Variants in RNGTT observed in about 807,000 individuals in gnomAD.
The protein encoded by RNGTT is mRNA-capping enzyme.
RNGTT carries 33 observed loss-of-function variants against 79.3 expected under a neutral mutation model. The observed-to-expected ratio is 0.42, with a 90% CI of 0.32 to 0.56. The LOEUF (loss-of-function observed/expected upper bound fraction) is 0.56, where lower values mean the gene tolerates loss of function less well. RNGTT is among the 20% of genes least tolerant of loss of function. The pLI is 0.17. For synonymous variants in RNGTT, 222 were observed against 235.9 expected, an observed-to-expected ratio of 0.94 and a Z score of 0.54; for missense variants, 497 against 739.1, an observed-to-expected ratio of 0.67 and a Z score of 3.80.
At chr6:88,907,735 CTTT>C (rs34378893) in intron 4 of RNGTT, among the ~76,000 whole-genome samples, 15 of 125,422 alleles carry the variant, frequency 1.2e-4, no homozygotes, top group Admixed American at 4.1e-4. Flanking sequence ...TAAGCTGTAT[CTTT>C]TTTTTTTTTT....
rs745311336 is a variant in RNGTT at position 88,612,697 on chromosome 6, A to G, written c.*22T>C. 1 of 1,604,944 alleles carries G rather than the reference A, an allele frequency of 6.2e-7. No individual in the cohort carries two copies. Among genetic ancestry groups the G allele is most frequent in the Admixed American group, 1.7e-5 (1 of 59,064 alleles). On this transcript the variant is annotated 3_prime_UTR_variant, in exon 16 of 16. Transcript: ENST00000369485. ...TTTTCCTCATTCCTCTTTCTTCTTAACCCTCAAGTCACAGGCAGGTCTTAG... is the reference window on the plus strand; with the variant it reads ...TTTTCCTCATTCCTCTTTCTTCTTAGCCCTCAAGTCACAGGCAGGTCTTAG...
At chr6:88,791,999 A>G (rs916007950) in intron 12 of RNGTT, among the ~76,000 whole-genome samples, 1 of 152,218 alleles carries the variant, frequency 6.6e-6, no homozygotes, top group Non-Finnish European at 1.5e-5. Context: ...ACCTTAAATA[A>G]CCAGTAGTCC....
intron 4 of RNGTT, among the ~76,000 whole-genome samples, chr6:88,906,824 C>G (rs1163692904): frequency 6.6e-6 from 1 of 151,966 alleles, no homozygotes; most frequent in Non-Finnish European, 1.5e-5. Flanking sequence ...TTAAATTTCT[C>G]TAGTAGAAAA....
intron 11 of RNGTT, among the ~76,000 whole-genome samples, chr6:88,830,689 G>C (rs1780830939): frequency 6.6e-6 from 1 of 151,220 alleles, no homozygotes; most frequent in African/African-American, 2.4e-5. Flanking sequence ...TAGACCACTA[G>C]CCAGACTAAT....
intron 11 of RNGTT, among the ~76,000 whole-genome samples, chr6:88,829,941 G>A (rs1467384387): frequency 6.6e-6 from 1 of 151,994 alleles, no homozygotes; most frequent in Non-Finnish European, 1.5e-5. Context: ...AATAATAGTG[G>A]GAGACTTTTA....
chr6:88,813,304 G>C (rs1483331827), intron 11 of RNGTT, among the ~76,000 whole-genome samples: 4 of 152,116 alleles, frequency 2.6e-5, no homozygotes, highest in South Asian at 2.1e-4. Context: ...CCATGAGGTA[G>C]TATGAATAAA....
intron 14 of RNGTT, among the ~76,000 whole-genome samples, chr6:88,649,561 G>C (rs1327611734): frequency 2.0e-5 from 3 of 152,124 alleles, no homozygotes; most frequent in Non-Finnish European, 4.4e-5. Context: ...GCTGGGCGTG[G>C]TGGCGGGCAC....
chr6:88,911,898 C>A (rs2127946115), intron 4 of RNGTT, among the ~76,000 whole-genome samples: 1 of 151,984 alleles, frequency 6.6e-6, no homozygotes, highest in South Asian at 2.1e-4. Flanking sequence ...CCAGCCTGGG[C>A]AACATAGCAA....
intron 4 of RNGTT, among the ~76,000 whole-genome samples, chr6:88,914,455 A>G (rs1406974982): frequency 1.3e-5 from 2 of 152,126 alleles, no homozygotes; most frequent in Non-Finnish European, 2.9e-5. Flanking sequence ...AGACAAATGC[A>G]ACAGAATAGA....
intron 13 of RNGTT, among the ~76,000 whole-genome samples, chr6:88,761,335 T>C (rs753163608): frequency 1.3e-5 from 2 of 151,480 alleles, no homozygotes; most frequent in Non-Finnish European, 2.9e-5. Flanking sequence ...ATTAAAATTA[T>C]AAAAAATCAG....
chr6:88,924,864 C>T (rs1390615163), intron 4 of RNGTT, among the ~76,000 whole-genome samples: 2 of 151,962 alleles, frequency 1.3e-5, no homozygotes, highest in African/African-American at 4.8e-5. Flanking sequence ...GCTGGGACTA[C>T]AGGAGTACAC....
At chr6:88,641,864 T>C (rs1471272184) in intron 14 of RNGTT, among the ~76,000 whole-genome samples, 1 of 152,228 alleles carries the variant, frequency 6.6e-6, no homozygotes, top group Non-Finnish European at 1.5e-5. Context: ...ACAGCCAGTA[T>C]ACAGTAGCAT....
rs1273805354 is a variant in RNGTT at position 88,610,201 on chromosome 6, G to A, written c.*2518C>T. On this transcript the variant is annotated 3_prime_UTR_variant, in exon 16 of 16. Coordinates refer to ENST00000369485, the MANE Select transcript of RNGTT (RefSeq NM_003800.5). ...ATTACACTGGGTGTGGCTGACAGCA[G>A]TAGGATGTGATGCCAGCAATAGAAG... 1.3e-5 allele frequency: 2 copies of A among 152,626 alleles called. No homozygotes were observed. Among genetic ancestry groups the A allele is most frequent in the East Asian group, 3.8e-4 (2 of 5,200 alleles). 9.5% of individuals were successfully genotyped at this position (152,626 alleles called of 1,614,324 possible).
chr6:88,949,057 C>T (rs1401115594), intron 1 of RNGTT, among the ~76,000 whole-genome samples: 2 of 120,828 alleles, frequency 1.7e-5, no homozygotes, highest in Non-Finnish European at 3.4e-5. Flanking sequence ...CCACTATTGT[C>T]CCATGACCCT....
At chr6:88,883,252 T>A (rs544733675) in intron 8 of RNGTT, among the ~76,000 whole-genome samples, 206 of 149,574 alleles carry the variant, frequency 1.4e-3, no homozygotes, top group Non-Finnish European at 1.4e-3. Context: ...CAGTTGTAAA[T>A]CCATGTCTTA....
chr6:88,793,245 T>C (rs1388201753), intron 12 of RNGTT, among the ~76,000 whole-genome samples: 2 of 152,122 alleles, frequency 1.3e-5, no homozygotes, highest in African/African-American at 4.8e-5. Context: ...AAACAAAGAC[T>C]GAAATCATTA....
At chr6:88,771,340 TATATATATATACACACAC>T (rs1156940773) in intron 12 of RNGTT, among the ~76,000 whole-genome samples, 5 of 130,598 alleles carry the variant, frequency 3.8e-5, no homozygotes, top group Non-Finnish European at 6.4e-5. Flanking sequence ...TATATATATA[TATATATATATACACACAC>T]ACACACACAC....
chr6:88,832,469 C>T (rs1313750456), intron 11 of RNGTT, among the ~76,000 whole-genome samples: 2 of 152,028 alleles, frequency 1.3e-5, no homozygotes, highest in African/African-American at 4.8e-5. Flanking sequence ...AAGACCTAAA[C>T]CCATAAAAAC....
rs1398567068 is a variant in RNGTT at position 88,853,746 on chromosome 6, A to T, written c.915T>A (p.Asp305Glu). Residue 305 changes from aspartate (D) to glutamate (E), a missense_variant, in exon 9 of 16, where the codon GAT becomes GAA. Physicochemically the swap from Asp to Glu is conservative, Grantham distance 45. Transcript: ENST00000369485. Reference protein sequence around the residue: ...ADGTRYMMLIDGTNEVFMIDR... With the variant: ...ADGTRYMMLIEGTNEVFMIDR... ...CAATCATAAAAACTTCATTTGTGCC[A>T]TCAATCAACATCATGTACCTGTAAA... 1 of 1,555,064 alleles carries T rather than the reference A, an allele frequency of 6.4e-7. No individual in the cohort carries two copies. Among genetic ancestry groups the T allele is most frequent in the Non-Finnish European group, 8.8e-7 (1 of 1,137,626 alleles).
Sources: allele counts gnomAD v4.1 joint callset (sites outside exome capture counted in the v4.1 genomes callset), GRCh38; gene constraint gnomAD v4.1.1; transcripts MANE v1.5; gene names NCBI Gene and HGNC (gene_info 2026-07-23, HGNC 2026-07-21).